CSMD2: variants seen among roughly 807,000 people sequenced by gnomAD.
CSMD2 encodes CUB and Sushi multiple domains 2.
Under a neutral mutation model 398.5 loss-of-function variants are expected in CSMD2, and 130 were observed. The ratio of observed to expected loss-of-function variants is 0.33; its 90% CI spans 0.28 to 0.38. CSMD2 has a LOEUF of 0.38. Among genes scored for constraint, CSMD2 ranks in the 10% least tolerant of loss-of-function variants. CSMD2 has a pLI of 1.00. For synonymous variants in CSMD2, 1,828 were observed against 1,908.5 expected (o/e 0.96, Z 1.10); for missense variants, 3,829 against 4,764.9 (o/e 0.80, Z 5.78).
At chr1:33,604,178 C>T (rs955580433) in intron 42 of CSMD2, among the ~76,000 whole-genome samples, 2 of 152,114 alleles carry the variant, frequency 1.3e-5, no homozygotes, top group Non-Finnish European at 2.9e-5. Context: ...TGTGATGCCA[C>T]AAAAAGACAA....
chr1:33,889,307 G>A (rs958184430), intron 5 of CSMD2, among the ~76,000 whole-genome samples: 4 of 152,108 alleles, frequency 2.6e-5, no homozygotes, highest in Non-Finnish European at 4.4e-5. Context: ...AAGTGACCAT[G>A]GACATATGAA....
At position 34,165,076 on chromosome 1, in the gene CSMD2, C is replaced by T. The variant is rs1241392589; in HGVS notation, c.22G>A (p.Glu8Lys). 3.4e-5 allele frequency: 41 copies of T among 1,214,822 alleles called. No homozygotes were observed. Among genetic ancestry groups the T allele is most frequent in the Non-Finnish European group, 4.2e-5 (41 of 977,066 alleles). 75.3% of individuals were successfully genotyped at this position (1,214,822 alleles called of 1,614,324 possible). ...GCGGGGCAGCCGCAGCGCCCCAGCT[C>T]CCGTCCCCGCGAGCGCGGCATGGCG... MPRSRGRELGRCGCPAGR... is the reference protein window; with the variant it reads MPRSRGRKLGRCGCPAGR... The change falls in exon 1 of 71, where the codon GAG becomes AAG. Residue 8 changes from glutamate to lysine, a missense_variant. By Grantham distance (56) the Glu-to-Lys change is moderately conservative. Around this residue, in one of 5 missense-constraint regions of CSMD2, gnomAD observed 184 missense variants for 217.7 expected, o/e 0.85. Coordinates refer to ENST00000373381, the MANE Select transcript of CSMD2 (RefSeq NM_001281956.2).
intron 25 of CSMD2, among the ~76,000 whole-genome samples, chr1:33,667,517 G>A (rs1352461288): frequency 6.6e-6 from 1 of 152,212 alleles, no homozygotes; most frequent in Non-Finnish European, 1.5e-5. Context: ...TCAGACCTTA[G>A]TGCTTCTACT....
At chr1:33,815,636 T>A (rs1657373612) in intron 9 of CSMD2, among the ~76,000 whole-genome samples, 2 of 152,254 alleles carry the variant, frequency 1.3e-5, no homozygotes, top group Non-Finnish European at 2.9e-5. Context: ...GATGTAGCTT[T>A]GTGCCCTTGG....
At chr1:34,134,015 T>C (rs1199404349) in intron 1 of CSMD2, among the ~76,000 whole-genome samples, 10 of 124,840 alleles carry the variant, frequency 8.0e-5, no homozygotes, top group Admixed American at 1.0e-4. Context: ...ATTGCACCAC[T>C]ACACTCCAGC....
chr1:33,871,659 C>G (rs1313107266), intron 5 of CSMD2, among the ~76,000 whole-genome samples: 1 of 152,152 alleles, frequency 6.6e-6, no homozygotes, highest in East Asian at 1.9e-4. Context: ...CTCTGTTGCC[C>G]AGGCTGGAGT....
chr1:34,034,863 G>A (rs562209993), intron 2 of CSMD2, among the ~76,000 whole-genome samples: 2 of 152,320 alleles, frequency 1.3e-5, no homozygotes, highest in East Asian at 3.9e-4. Context: ...GTGACAGGAG[G>A]AGGATTCGTA....
intron 3 of CSMD2, among the ~76,000 whole-genome samples, chr1:34,031,607 C>CT (rs1650428508): frequency 1.3e-5 from 2 of 152,040 alleles, no homozygotes; most frequent in South Asian, 4.2e-4. Context: ...CCTATACCCC[C>CT]TGCCACCAGG....
intron 21 of CSMD2, among the ~76,000 whole-genome samples, chr1:33,710,589 T>C (rs951301465): frequency 6.6e-6 from 1 of 152,184 alleles, no homozygotes; most frequent in Admixed American, 6.5e-5. Context: ...TGGTAGCAAA[T>C]CTGCTTTCTC....
chr1:34,107,955 C>G (rs117105610), intron 1 of CSMD2, among the ~76,000 whole-genome samples: 1 of 152,322 alleles, frequency 6.6e-6, no homozygotes, highest in East Asian at 1.9e-4. Context: ...TGCTGTTTCT[C>G]TCACCATGAG....
intron 1 of CSMD2, among the ~76,000 whole-genome samples, chr1:34,091,263 A>G (rs1267589232): frequency 1.3e-5 from 2 of 152,214 alleles, no homozygotes; most frequent in African/African-American, 2.4e-5. Flanking sequence ...TATTAGGTAC[A>G]TGGTAAATTC....
intron 13 of CSMD2, among the ~76,000 whole-genome samples, chr1:33,752,571 C>A (rs1648405102): frequency 6.6e-6 from 1 of 152,120 alleles, no homozygotes; most frequent in Non-Finnish European, 1.5e-5. Context: ...TATAGAAATA[C>A]AAGAATGGGC....
At chr1:33,996,423 T>A (rs912821243) in intron 3 of CSMD2, among the ~76,000 whole-genome samples, 3 of 152,244 alleles carry the variant, frequency 2.0e-5, no homozygotes, top group Non-Finnish European at 4.4e-5. Flanking sequence ...ATTCTGCATA[T>A]ATCAGCTGTC....
intron 3 of CSMD2, among the ~76,000 whole-genome samples, chr1:34,008,564 T>C (rs984312636): frequency 6.6e-6 from 1 of 152,242 alleles, no homozygotes; most frequent in Admixed American, 6.5e-5. Context: ...CTCAGGGCTC[T>C]ATCATGATGC....
In CSMD2 at chr1:33,624,605, T is replaced by C. The variant is rs2148882460; in HGVS notation, c.5539A>G (p.Ile1847Val). 1 of 1,613,930 alleles carries C rather than the reference T, an allele frequency of 6.2e-7. No individual in the cohort carries two copies. Among genetic ancestry groups the C allele is most frequent in the Non-Finnish European group, 8.5e-7 (1 of 1,179,906 alleles). ...GGCTCTGGGAAGCCAGGGGACAGGA[T>C]GGTGCCCCTGCGCTCTGTGAGGTTG... ...GGNLTERRGT[I>V]LSPGFPEPYL... is the part of the protein sequence containing the mutation. The change falls in exon 35 of 71, where the codon ATC (isoleucine) becomes GTC (valine). Residue 1847 changes from isoleucine to valine, a missense_variant. By Grantham distance (29) the Ile-to-Val change is conservative. Transcript: ENST00000373381. The surrounding 1 kb of genome is among the most constrained non-coding windows in gnomAD (Gnocchi z 4.7).
At chr1:33,921,109 A>G (rs12031839) in intron 4 of CSMD2, among the ~76,000 whole-genome samples, 37,933 of 151,968 alleles carry the variant, frequency 0.25, 5,037 homozygotes, top group African/African-American at 0.33. Flanking sequence ...AGGTCCTTGA[A>G]TGCCGAGTAG....
intron 46 of CSMD2, among the ~76,000 whole-genome samples, chr1:33,585,063 G>A (rs1210688100): frequency 6.6e-6 from 1 of 152,114 alleles, no homozygotes; most frequent in Non-Finnish European, 1.5e-5. Context: ...TTTGGGTTGC[G>A]GACGCCAAAG....
At chr1:33,961,978 G>A (rs889443552) in intron 3 of CSMD2, among the ~76,000 whole-genome samples, 1 of 152,176 alleles carries the variant, frequency 6.6e-6, no homozygotes, top group African/African-American at 2.4e-5. Flanking sequence ...ACTTGGGGAT[G>A]TTGAGAAGAT....
intron 2 of CSMD2, among the ~76,000 whole-genome samples, chr1:34,088,429 T>A (rs935053788): frequency 1.3e-5 from 2 of 152,008 alleles, no homozygotes; most frequent in Non-Finnish European, 2.9e-5. Flanking sequence ...CCCTTGGGAG[T>A]CAGCTCAGGG....
Sources: allele counts gnomAD v4.1 joint callset (sites outside exome capture counted in the v4.1 genomes callset), GRCh38; gene constraint gnomAD v4.1.1; regional missense constraint gnomAD v4.1.1; non-coding constraint Gnocchi (gnomAD v3.1); transcripts MANE v1.5; gene names NCBI Gene and HGNC (gene_info 2026-07-23, HGNC 2026-07-21).